VPS13B: variants seen among roughly 807,000 people sequenced by gnomAD.
VPS13B encodes intermembrane lipid transfer protein VPS13B.
A neutral mutation model predicts 426.4 loss-of-function variants in VPS13B; 285 were observed. That is an observed-to-expected ratio of 0.67 (90% CI 0.61 to 0.74). The LOEUF (loss-of-function observed/expected upper bound fraction) is 0.74, where lower values mean the gene tolerates loss of function less well. Among genes scored for constraint, VPS13B ranks in the 30% least tolerant of loss-of-function variants. The pLI is 0.00. For missense variants in VPS13B, 4,537 were observed against 4,782.6 expected, an observed-to-expected ratio of 0.95 and a Z score of 1.51; for synonymous variants, 1,676 against 1,676.4, an observed-to-expected ratio of 1.00 and a Z score of 0.01.
At chr8:99,203,356 C>T (rs550567007) in intron 17 of VPS13B, among the ~76,000 whole-genome samples, 12 of 152,096 alleles carry the variant, frequency 7.9e-5, no homozygotes, top group African/African-American at 2.4e-4. Context: ...ATTGATGGAA[C>T]GTATCTCAAA....
At chr8:99,652,926 C>G (rs963724132) in intron 34 of VPS13B, among the ~76,000 whole-genome samples, 1 of 152,074 alleles carries the variant, frequency 6.6e-6, no homozygotes, top group African/African-American at 2.4e-5. Context: ...TAGTGTATCA[C>G]TCAGAGAGAA....
Position 99,233,326 on chromosome 8 carries a change from ACTT to A in VPS13B, c.2515+40276_2515+40278del, listed in dbSNP as rs1816451154. On this transcript the variant is annotated intron_variant, in intron 17 of 61. Transcript: ENST00000357162. ...CACTCTGATATGGGCTTCCAGCTTC[ACTT>A]CTTCTTTGGGGTTAAAGAAGTTTTC... The A allele has an allele frequency of 7.4e-6, 8 of 1,084,544 alleles. No individual in the cohort carries two copies. In the South Asian group the frequency reaches 7.5e-5, roughly 10 times the overall value. 67.2% of individuals were successfully genotyped at this position (1,084,544 alleles called of 1,614,324 possible).
chr8:99,839,857 T>C (rs564785826), intron 54 of VPS13B, among the ~76,000 whole-genome samples: 1 of 152,264 alleles, frequency 6.6e-6, no homozygotes, highest in East Asian at 1.9e-4. Flanking sequence ...CTTGTATCAA[T>C]CTGAAAACTA....
chr8:99,385,747 T>C (rs1045667591), intron 20 of VPS13B, among the ~76,000 whole-genome samples: 8 of 152,154 alleles, frequency 5.3e-5, no homozygotes, highest in African/African-American at 1.9e-4. Context: ...ACCAGGGTAG[T>C]GTGTGAAAAG....
intron 19 of VPS13B, among the ~76,000 whole-genome samples, chr8:99,354,748 T>C (rs1254977278): frequency 6.6e-6 from 1 of 152,172 alleles, no homozygotes; most frequent in Non-Finnish European, 1.5e-5. Flanking sequence ...AAAATTTCTT[T>C]GTCTCGCTGT....
intron 31 of VPS13B, among the ~76,000 whole-genome samples, chr8:99,560,261 T>A (rs991499963): frequency 6.6e-6 from 1 of 152,142 alleles, no homozygotes; most frequent in African/African-American, 2.4e-5. Flanking sequence ...TGATTTTGTA[T>A]CCTGAGATTT....
Position 99,642,351 on chromosome 8 carries a change from A to C in VPS13B, c.5761A>C (p.Thr1921Pro), listed in dbSNP as rs112749780. The change falls in exon 34 of 62, where the codon ACT becomes CCT. Residue 1921 changes from threonine (T) to proline (P), a missense_variant. Coordinates refer to ENST00000357162, the MANE Select transcript of VPS13B (RefSeq NM_152564.5). ...TIVRQPGRRG[T>P]GDLQLEPFLY... Reference sequence around the variant, plus strand: ...TGTTCGGCAGCCTGGTCGAAGAGGAACTGGTGACTTACAGCTAGAGCCTTT... The same window carrying C: ...TGTTCGGCAGCCTGGTCGAAGAGGACCTGGTGACTTACAGCTAGAGCCTTT... The C allele has an allele frequency of 1.9e-6, 3 of 1,614,006 alleles. No homozygotes were observed. The South Asian group carries it at 3.3e-5, about 18-fold the overall frequency.
intron 30 of VPS13B, among the ~76,000 whole-genome samples, chr8:99,537,350 G>A (rs956914936): frequency 6.6e-6 from 1 of 151,980 alleles, no homozygotes; most frequent in Non-Finnish European, 1.5e-5. Context: ...AGGTCAAAAC[G>A]TTTACTTATA....
At chr8:99,600,939 G>A (rs1445075586) in intron 33 of VPS13B, among the ~76,000 whole-genome samples, 2 of 151,960 alleles carry the variant, frequency 1.3e-5, no homozygotes, top group African/African-American at 4.8e-5. Flanking sequence ...TGTTAGACTG[G>A]ACTATTGTCT....
chr8:99,501,551 C>A, intron 25 of VPS13B, 136 bp from the exon 26 acceptor site: 2 of 862,084 alleles, frequency 2.3e-6, no homozygotes, highest in Non-Finnish European at 3.6e-6. Context: ...TTGGTATTAA[C>A]ATTTATATGA....
At chr8:99,664,359 C>T (rs968365874) in intron 35 of VPS13B, among the ~76,000 whole-genome samples, 3 of 151,176 alleles carry the variant, frequency 2.0e-5, no homozygotes, top group Admixed American at 1.3e-4. Context: ...GGTACATTTG[C>T]ACAACATGCA....
At chr8:99,722,194 G>C (rs552931856) in intron 39 of VPS13B, among the ~76,000 whole-genome samples, 1 of 152,058 alleles carries the variant, frequency 6.6e-6, no homozygotes, top group Non-Finnish European at 1.5e-5. Context: ...CTTGGTCTTC[G>C]TCAGTCAGGT....
chr8:99,086,957 T>A (rs991129143), intron 3 of VPS13B, among the ~76,000 whole-genome samples: 2 of 152,172 alleles, frequency 1.3e-5, no homozygotes, highest in Non-Finnish European at 2.9e-5. Context: ...AGCTGTGTGC[T>A]GGGAGAACCA....
intron 19 of VPS13B, among the ~76,000 whole-genome samples, chr8:99,289,122 G>A (rs1299684384): frequency 6.6e-6 from 1 of 151,934 alleles, no homozygotes; most frequent in Non-Finnish European, 1.5e-5. Flanking sequence ...AGGGAAATCA[G>A]GGTCAACTCA....
intron 5 of VPS13B, among the ~76,000 whole-genome samples, chr8:99,110,063 A>G (rs1168909570): frequency 2.0e-5 from 3 of 152,130 alleles, no homozygotes; most frequent in Non-Finnish European, 4.4e-5. Flanking sequence ...GAAATATGGT[A>G]GTCATATGTC....
At chr8:99,620,669 T>A (rs1037908415) in intron 33 of VPS13B, among the ~76,000 whole-genome samples, 1 of 151,956 alleles carries the variant, frequency 6.6e-6, no homozygotes, top group Non-Finnish European at 1.5e-5. Context: ...TTATGGCATA[T>A]GATAAGAAGT....
chr8:99,738,630 C>A (rs919445704), intron 39 of VPS13B, among the ~76,000 whole-genome samples: 5 of 152,206 alleles, frequency 3.3e-5, no homozygotes, highest in Admixed American at 6.5e-5. Flanking sequence ...TCTACACATA[C>A]AACCTTACAT....
intron 21 of VPS13B, among the ~76,000 whole-genome samples, chr8:99,411,482 AT>A (rs1815661511): frequency 6.6e-6 from 1 of 152,160 alleles, no homozygotes; most frequent in African/African-American, 2.4e-5. Context: ...ATATGGATAG[AT>A]TGCAAAAAGT....
chr8:99,550,850 T>A (rs1240661764), intron 30 of VPS13B, among the ~76,000 whole-genome samples: 1 of 152,090 alleles, frequency 6.6e-6, no homozygotes, highest in Non-Finnish European at 1.5e-5. Context: ...TTGTGAATTC[T>A]CTTCTTTAAT....
Sources: allele counts gnomAD v4.1 joint callset (sites outside exome capture counted in the v4.1 genomes callset), GRCh38; gene constraint gnomAD v4.1.1; transcripts MANE v1.5; gene names NCBI Gene and HGNC (gene_info 2026-07-23, HGNC 2026-07-21).